The following METAP1D variants were observed in gnomAD, a reference collection of about 807,000 sequenced individuals.
The protein encoded by METAP1D is methionyl aminopeptidase type 1D, mitochondrial.
Under a neutral mutation model 40.5 loss-of-function variants are expected in METAP1D, and 31 were observed. The ratio of observed to expected loss-of-function variants is 0.77; its 90% CI spans 0.58 to 1.03. METAP1D has a LOEUF of 1.03. METAP1D is among the 50% of genes least tolerant of loss of function. The pLI, the probability that METAP1D is intolerant of heterozygous loss-of-function variation, is 0.00. For missense variants in METAP1D, 411 were observed against 420.7 expected (o/e 0.98, Z 0.20); for synonymous variants, 151 against 146.4 (o/e 1.03, Z -0.22).
At chr2:172,016,136 C>T (rs1335387598) in intron 1 of METAP1D, among the ~76,000 whole-genome samples, 2 of 144,224 alleles carry the variant, frequency 1.4e-5, no homozygotes, top group African/African-American at 2.5e-5. Flanking sequence ...ATTAGCTGGG[C>T]GCGGTCACAT....
rs1173494241 is a variant in METAP1D at position 172,017,239 on chromosome 2, C to T, written c.40+17230C>T. Among the ~76,000 whole-genome samples the T allele has an allele frequency of 3.0e-3, 200 of 65,586 alleles. 4 individuals carry two copies. The highest frequency in any genetic ancestry group is 0.012 in the African/African-American group (192 of 16,632). 43.0% of individuals were successfully genotyped at this position (65,586 alleles called of 152,430 possible). On this transcript the variant is annotated intron_variant, in intron 1 of 9. Coordinates refer to ENST00000315796, the MANE Select transcript of METAP1D (RefSeq NM_199227.3). ...GTCTTGTTCCATGAAAGGTTTTACACACACACACACACACACACACACACA... is the reference window on the plus strand; with the variant it reads ...GTCTTGTTCCATGAAAGGTTTTACATACACACACACACACACACACACACA...
chr2:172,077,469 A>G (rs1490360157), intron 6 of METAP1D, among the ~76,000 whole-genome samples: 1 of 151,996 alleles, frequency 6.6e-6, no homozygotes, highest in Non-Finnish European at 1.5e-5. Context: ...TATCCCGGTT[A>G]TGTATGGCAA....
chr2:172,063,665 TCGTGCG>T, intron 2 of METAP1D, 40 bp from the exon 3 acceptor site: 1 of 1,442,678 alleles, frequency 6.9e-7, no homozygotes, highest in Non-Finnish European at 9.7e-7. Context: ...GATCCCATTG[TCGTGCG>T]CTGGGTTCTG....
intron 5 of METAP1D, among the ~76,000 whole-genome samples, chr2:172,067,582 T>C (rs10497379): frequency 0.11 from 16,286 of 152,256 alleles, 1,111 homozygotes; most frequent in Non-Finnish European, 0.15. Flanking sequence ...GACACTTTTA[T>C]TTTGGATTGT....
intron 1 of METAP1D, among the ~76,000 whole-genome samples, chr2:172,036,190 G>A (rs12988675): frequency 0.28 from 42,477 of 149,600 alleles, 7,020 homozygotes; most frequent in Middle Eastern, 0.41. Flanking sequence ...GGTGGCGGGT[G>A]CCTGTAGTCC....
In METAP1D at chr2:172,001,475, T is replaced by C. The variant is rs577334771; in HGVS notation, c.40+1466T>C. Among the ~76,000 whole-genome samples, 229 of 151,840 alleles carry C rather than the reference T, an allele frequency of 1.5e-3. 1 individual carries two copies. Among genetic ancestry groups the C allele is most frequent in the African/African-American group, 5.4e-3 (222 of 41,376 alleles). ...ATTGCTTTAACCCAGGAGGTGGAGG[T>C]TGCAGTGAGCTGAGATCATACCACT... On this transcript the variant is annotated intron_variant, in intron 1 of 9. Transcript: ENST00000315796.
At position 172,043,821 on chromosome 2, in the gene METAP1D, A is replaced by G. The variant is rs368453886; in HGVS notation, c.41-17677A>G. ...TTAAATATTTTAGAGTCAACTGGAC[A>G]TGGTGGCTCACGCCTGTAATTCCAG... On this transcript the variant is annotated intron_variant, in intron 1 of 9. Coordinates refer to ENST00000315796, the MANE Select transcript of METAP1D (RefSeq NM_199227.3). Among the ~76,000 whole-genome samples, 21 of 135,676 alleles carry G rather than the reference A, an allele frequency of 1.5e-4. 4 individuals are homozygous for G. In the South Asian group the frequency reaches 4.9e-3, roughly 32 times the overall value. The allele number at this position is 135,676 out of a possible 152,430, so 89.0% of individuals were successfully genotyped here.
At chr2:172,034,980 T>A (rs1248583984) in intron 1 of METAP1D, among the ~76,000 whole-genome samples, 1 of 150,230 alleles carries the variant, frequency 6.7e-6, no homozygotes, top group Admixed American at 6.6e-5. Context: ...TTGTTAGAAT[T>A]TTTTTCTTTT....
intron 1 of METAP1D, among the ~76,000 whole-genome samples, chr2:172,014,873 C>T (rs1483565369): frequency 2.0e-5 from 3 of 151,856 alleles, no homozygotes; most frequent in Non-Finnish European, 2.9e-5. Context: ...AGGATGGTCT[C>T]GAACTCCTGA....
intron 1 of METAP1D, among the ~76,000 whole-genome samples, chr2:172,026,218 T>C (rs1689118312): frequency 6.6e-6 from 1 of 152,196 alleles, no homozygotes; most frequent in Non-Finnish European, 1.5e-5. Flanking sequence ...TCATTTGTTC[T>C]ATAGATTTTC....
intron 1 of METAP1D, among the ~76,000 whole-genome samples, chr2:172,050,303 G>A (rs533132378): frequency 7.7e-4 from 117 of 152,108 alleles, no homozygotes; most frequent in African/African-American, 2.7e-3. Context: ...TAGATTATAA[G>A]CCCTCATATC....
intron 6 of METAP1D, among the ~76,000 whole-genome samples, chr2:172,074,749 C>A (rs1405613249): frequency 6.6e-6 from 1 of 152,004 alleles, no homozygotes; most frequent in Non-Finnish European, 1.5e-5. Context: ...AAATAAATAT[C>A]TAGAAAGAGT....
chr2:172,017,867 A>G (rs981055802), intron 1 of METAP1D, among the ~76,000 whole-genome samples: 1 of 152,018 alleles, frequency 6.6e-6, no homozygotes, highest in Non-Finnish European at 1.5e-5. Context: ...GGTGGCTTAC[A>G]CCTGTAATCC....
chr2:172,022,193 C>T (rs1002949212), intron 1 of METAP1D, among the ~76,000 whole-genome samples: 1 of 152,134 alleles, frequency 6.6e-6, no homozygotes, highest in African/African-American at 2.4e-5. Context: ...ATGCAGACTC[C>T]TGCTTTTCCC....
intron 1 of METAP1D, among the ~76,000 whole-genome samples, chr2:172,038,914 TA>T (rs1469951245): frequency 1.3e-5 from 2 of 152,194 alleles, no homozygotes; most frequent in East Asian, 3.8e-4. Context: ...GATTACTCAT[TA>T]AAGTCAGCAT....
chr2:172,032,869 T>C (rs1239114807), intron 1 of METAP1D, among the ~76,000 whole-genome samples: 1 of 152,146 alleles, frequency 6.6e-6, no homozygotes, highest in Non-Finnish European at 1.5e-5. Flanking sequence ...GAGACCATCC[T>C]GGATAACACG....
chr2:172,026,123 G>A (rs899433736), intron 1 of METAP1D, among the ~76,000 whole-genome samples: 4 of 152,030 alleles, frequency 2.6e-5, no homozygotes, highest in Non-Finnish European at 4.4e-5. Context: ...TGTTGCATTT[G>A]GCTGATATGT....
intron 1 of METAP1D, among the ~76,000 whole-genome samples, chr2:172,054,031 C>A (rs1478529247): frequency 1.3e-5 from 2 of 152,160 alleles, no homozygotes; most frequent in African/African-American, 4.8e-5. Context: ...AGAAAACTCA[C>A]ATTTTCAGGG....
intron 1 of METAP1D, among the ~76,000 whole-genome samples, chr2:172,014,059 G>A (rs574984258): frequency 1.6e-3 from 237 of 151,896 alleles, no homozygotes; most frequent in Non-Finnish European, 3.0e-3. Flanking sequence ...CTGACCTCAA[G>A]TGATCTGCCT....
Sources: allele counts gnomAD v4.1 joint callset (sites outside exome capture counted in the v4.1 genomes callset), GRCh38; gene constraint gnomAD v4.1.1; transcripts MANE v1.5; gene names NCBI Gene and HGNC (gene_info 2026-07-23, HGNC 2026-07-21).